ANGEL2: variants seen among roughly 807,000 people sequenced by gnomAD.
The protein encoded by ANGEL2 is angel homolog 2.
In ANGEL2, 41 loss-of-function variants were observed where a neutral mutation model predicts 66.0. The ratio of observed to expected loss-of-function variants is 0.62; its 90% CI spans 0.48 to 0.81. The LOEUF is 0.81. ANGEL2 is among the 30% of genes least tolerant of loss of function. The pLI, the probability that ANGEL2 is intolerant of heterozygous loss-of-function variation, is 0.00. For synonymous variants in ANGEL2, 208 were observed against 226.5 expected (o/e 0.92, Z 0.73); for missense variants, 561 against 641.6 (o/e 0.87, Z 1.36).
At chr1:213,009,592 AT>A (rs1466337611) in intron 2 of ANGEL2, among the ~76,000 whole-genome samples, 3 of 152,262 alleles carry the variant, frequency 2.0e-5, no homozygotes, top group Admixed American at 6.5e-5. Context: ...CTATACACTT[AT>A]ATAGAGGGTG....
Position 212,994,814 on chromosome 1 carries a change from T to C in ANGEL2, c.*227A>G. 3.1e-6 allele frequency: 1 copy of C among 319,758 alleles called. No individual in the cohort carries two copies. Among genetic ancestry groups the C allele is most frequent in the Non-Finnish European group, 5.6e-6 (1 of 179,600 alleles). The allele number at this position is 319,758 out of a possible 1,614,324, so 19.8% of individuals were successfully genotyped here. ...TAGAATATAAAACCTTTACATCTCTTTTACAATAAAGAGAATTTAGAGCTC... is the reference window on the plus strand; with the variant it reads ...TAGAATATAAAACCTTTACATCTCTCTTACAATAAAGAGAATTTAGAGCTC... On this transcript the variant is annotated 3_prime_UTR_variant, in exon 9 of 9. Transcript: ENST00000366962.
intron 6 of ANGEL2, 199 bp downstream of exon 6, chr1:213,000,587 T>C (rs576958530): frequency 1.3e-6 from 1 of 756,602 alleles, no homozygotes; most frequent in Non-Finnish European, 2.0e-6. Context: ...AACATGCAAG[T>C]AAATCATGCA....
In ANGEL2 at chr1:213,013,323, GAA is replaced by G; in HGVS notation, c.153_154del (p.Ser52Ter). On this transcript the variant is annotated frameshift_variant, in exon 2 of 9. Coordinates refer to ENST00000366962, the MANE Select transcript of ANGEL2 (RefSeq NM_144567.5). LOFTEE classifies it high-confidence loss of function. ...ATGTCCAGGCCACCTCATACAACTA[GAA>G]ATATGTCTGTTCCAGCAACACCTTT... 6.2e-7 allele frequency: 1 copy of G among 1,614,158 alleles called. No homozygotes were observed.
At chr1:213,014,693 AT>A in intron 1 of ANGEL2, among the ~76,000 whole-genome samples, 1 of 152,308 alleles carries the variant, frequency 6.6e-6, no homozygotes, top group East Asian at 1.9e-4. Context: ...CGTCTTATTC[AT>A]TTTAATTCCG....
Position 213,015,867 on chromosome 1 carries a change from T to C in ANGEL2, c.-196A>G. ...ATCTTGCGCAGTCAGAGTCCCTGAATGCCTTAACCCGGAATTCTGCTCAAG... is the reference window on the plus strand; with the variant it reads ...ATCTTGCGCAGTCAGAGTCCCTGAACGCCTTAACCCGGAATTCTGCTCAAG... On this transcript the variant is annotated 5_prime_UTR_variant, in exon 1 of 9. Coordinates refer to ENST00000366962, the MANE Select transcript of ANGEL2 (RefSeq NM_144567.5). The C allele has an allele frequency of 1.6e-6, 1 of 638,378 alleles. No homozygotes were observed. The highest frequency in any genetic ancestry group is 2.7e-6 in the Non-Finnish European group (1 of 375,668). 39.5% of individuals were successfully genotyped at this position (638,378 alleles called of 1,614,324 possible).
At position 212,999,105 on chromosome 1, in the gene ANGEL2, C is replaced by G. The variant is rs192036258; in HGVS notation, c.1319+1221G>C. Among the ~76,000 whole-genome samples, 837 of 152,066 alleles carry G rather than the reference C, an allele frequency of 5.5e-3. 11 individuals are homozygous for G. Among genetic ancestry groups the G allele is most frequent in the African/African-American group, 0.017 (717 of 41,482 alleles). On this transcript the variant is annotated intron_variant, in intron 7 of 8. Coordinates refer to ENST00000366962, the MANE Select transcript of ANGEL2 (RefSeq NM_144567.5). ...GCCAGACTGCTCTTGAACTCCTGAC[C>G]TCGTGATCCACCCACCTCAGCCTCC...
Position 212,992,279 on chromosome 1 carries a change from C to G in ANGEL2, c.*2762G>C, listed in dbSNP as rs2075879310. The G allele has an allele frequency of 6.6e-6, 1 of 152,232 alleles. No homozygotes were observed. Among genetic ancestry groups the G allele is most frequent in the Non-Finnish European group, 1.5e-5 (1 of 68,042 alleles). 9.4% of individuals were successfully genotyped at this position (152,232 alleles called of 1,614,324 possible). A position where few individuals can be genotyped will look rare whatever the true frequency, so the allele number is the denominator to read the frequency against. On this transcript the variant is annotated 3_prime_UTR_variant, in exon 9 of 9. Transcript: ENST00000366962. ...TCCCTTGAACTCTCTGGATCTCAAACTTTCTTTAGGAAAGCAAAGGTTAAA... is the reference window on the plus strand; with the variant it reads ...TCCCTTGAACTCTCTGGATCTCAAAGTTTCTTTAGGAAAGCAAAGGTTAAA...
At chr1:213,010,440 C>T (rs547685466) in intron 2 of ANGEL2, among the ~76,000 whole-genome samples, 19 of 152,052 alleles carry the variant, frequency 1.2e-4, no homozygotes, top group African/African-American at 4.1e-4. Context: ...GGCGTGGTGG[C>T]GGGCACCTGC....
intron 8 of ANGEL2, among the ~76,000 whole-genome samples, chr1:212,995,853 A>C (rs966931823): frequency 2.6e-5 from 4 of 152,242 alleles, no homozygotes; most frequent in Non-Finnish European, 4.4e-5. Flanking sequence ...GGGTAAAGAA[A>C]AAGAAGCATC....
Position 213,005,215 on chromosome 1 carries a change from C to A in ANGEL2, c.952G>T (p.Gly318Cys), listed in dbSNP as rs1219511298. Residue 318 changes from glycine to cysteine, a missense_variant, in exon 5 of 9, where the codon GGT becomes TGT. Gly to Cys is a radical substitution (Grantham distance 159). Coordinates refer to ENST00000366962, the MANE Select transcript of ANGEL2 (RefSeq NM_144567.5). ...NTHLLYNPRR[G>C]DIKLTQLAML... Reference sequence around the variant, plus strand: ...GCCAATTGCGTCAGCTTAATATCACCTCGCCTTGGATTATACAACAGATGC... The same window carrying A: ...GCCAATTGCGTCAGCTTAATATCACATCGCCTTGGATTATACAACAGATGC... The A allele has an allele frequency of 1.9e-6, 3 of 1,614,250 alleles. No individual in the cohort carries two copies. Among genetic ancestry groups the A allele is most frequent in the Non-Finnish European group, 2.5e-6 (3 of 1,180,052 alleles).
rs2076630647 is a variant in ANGEL2 at position 213,015,761 on chromosome 1, C to T, written c.-90G>A. Reference sequence around the variant, plus strand: ...CGACGGCCTAAAGTATCTAGGGAACCCCATCACTCTTAAGTACCGACTCCA... The same window carrying T: ...CGACGGCCTAAAGTATCTAGGGAACTCCATCACTCTTAAGTACCGACTCCA... On this transcript the variant is annotated 5_prime_UTR_variant, in exon 1 of 9. Coordinates refer to ENST00000366962, the MANE Select transcript of ANGEL2 (RefSeq NM_144567.5). 6.4e-7 allele frequency: 1 copy of T among 1,574,204 alleles called. No individual in the cohort carries two copies. The highest frequency in any genetic ancestry group is 8.7e-7 in the Non-Finnish European group (1 of 1,147,394).
At position 213,015,159 on chromosome 1, in the gene ANGEL2, AAATC is replaced by A. The variant is rs2148186763; in HGVS notation, c.59+450_59+453del. 5 of 1,003,956 alleles carry A rather than the reference AAATC, an allele frequency of 5.0e-6. No homozygotes were observed. In the South Asian group the frequency reaches 2.2e-4, roughly 45 times the overall value. 62.2% of individuals were successfully genotyped at this position (1,003,956 alleles called of 1,614,324 possible). On this transcript the variant is annotated intron_variant, in intron 1 of 8. Transcript: ENST00000366962. ...TTGAAAGACACTAACACATCAACAA[AAATC>A]AAGCCCCTCCTGGGCGTGTGCCACA...
At chr1:213,007,010 C>T (rs776576826) in intron 4 of ANGEL2, 119 bp downstream of exon 4, 71 of 905,712 alleles carry the variant, frequency 7.8e-5, no homozygotes, top group Non-Finnish European at 1.1e-4. Context: ...GAGAGGATTA[C>T]TTGAGCCCAG....
intron 8 of ANGEL2, among the ~76,000 whole-genome samples, chr1:212,995,938 T>C (rs2075983546): frequency 6.6e-6 from 1 of 152,216 alleles, no homozygotes; most frequent in South Asian, 2.1e-4. Flanking sequence ...AAAGTTTTCT[T>C]AAAGGTATTT....
At chr1:212,999,725 C>A (rs2076128458) in intron 7 of ANGEL2, among the ~76,000 whole-genome samples, 2 of 152,192 alleles carry the variant, frequency 1.3e-5, no homozygotes, top group Non-Finnish European at 2.9e-5. Flanking sequence ...AACCATAGCC[C>A]CAAATATTCC....
intron 2 of ANGEL2, among the ~76,000 whole-genome samples, chr1:213,009,765 A>G (rs568661653): frequency 5.9e-5 from 9 of 152,350 alleles, no homozygotes; most frequent in African/African-American, 2.2e-4. Flanking sequence ...TTAAAGTATG[A>G]TTAGGCCAGG....
At chr1:212,998,888 T>C (rs540530981) in intron 7 of ANGEL2, among the ~76,000 whole-genome samples, 72 of 150,962 alleles carry the variant, frequency 4.8e-4, no homozygotes, top group Admixed American at 1.5e-3. Context: ...TTAAAATTAT[T>C]ATCATTATTG....
rs996276024 is a variant in ANGEL2, at chr1:212,999,261, G to A, written c.1319+1065C>T. Among the ~76,000 whole-genome samples the A allele has an allele frequency of 3.9e-5, 6 of 151,978 alleles. No homozygotes were observed. In the East Asian group the frequency reaches 5.8e-4, roughly 15 times the overall value. On this transcript the variant is annotated intron_variant, in intron 7 of 8. Transcript: ENST00000366962. The stretch of plus-strand genomic sequence containing the variant: ...ACTCCTGGGCTCAAGCAATCCTCCC[G>A]CCCTGGCCTCCCAAAGTGCTGAGAT...
rs41277166 is a variant in ANGEL2, at chr1:213,005,041, T to C, written c.1126A>G (p.Ile376Val). ...EGKLNYEGLP[I>V]GKVSGQEQSS... ...ATGAAGAAAGCACTTACCTTTCCTA[T>C]GGGAAGTCCTTCATAATTCAATTTT... Residue 376 changes from isoleucine (I) to valine (V), a missense_variant, in exon 5 of 9, where the codon ATA (isoleucine) becomes GTA (valine). By Grantham distance (29) the Ile-to-Val change is conservative. Coordinates refer to ENST00000366962, the MANE Select transcript of ANGEL2 (RefSeq NM_144567.5). 1.5e-4 allele frequency: 226 copies of C among 1,555,412 alleles called. No homozygotes were observed. The highest frequency in any genetic ancestry group is 1.8e-4 in the Non-Finnish European group (212 of 1,156,892).
Sources: allele counts gnomAD v4.1 joint callset (sites outside exome capture counted in the v4.1 genomes callset), GRCh38; gene constraint gnomAD v4.1.1; transcripts MANE v1.5; gene names NCBI Gene and HGNC (gene_info 2026-07-23, HGNC 2026-07-21).